RNF128: variants seen among roughly 807,000 people sequenced by gnomAD.
RNF128 encodes E3 ubiquitin-protein ligase RNF128.
Under a neutral mutation model 26.2 loss-of-function variants are expected in RNF128, and 13 were observed. That is an observed-to-expected ratio of 0.50 (90% CI 0.32 to 0.79). The LOEUF (loss-of-function observed/expected upper bound fraction) is 0.79, where lower values mean the gene tolerates loss of function less well. Among genes scored for constraint, RNF128 ranks in the 30% least tolerant of loss-of-function variants. The pLI is 0.03. For synonymous variants in RNF128, 149 were observed against 142.5 expected, an observed-to-expected ratio of 1.05 and a Z score of -0.32; for missense variants, 315 against 349.7, an observed-to-expected ratio of 0.90 and a Z score of 0.79.
intron 1 of RNF128, among the ~76,000 whole-genome samples, chrX:106,718,247 T>C (rs1929250663): frequency 2.7e-5 from 3 of 111,762 alleles, no homozygotes; most frequent in Non-Finnish European, 3.8e-5. Context: ...AGTGGGATCA[T>C]TGAAGATAAA....
intron 1 of RNF128, among the ~76,000 whole-genome samples, chrX:106,754,975 C>T (rs1459438768): frequency 1.8e-5 from 2 of 111,040 alleles, no homozygotes; most frequent in African/African-American, 6.5e-5. Flanking sequence ...ACATCAATGA[C>T]ATGAAAAGTT....
chrX:106,704,325 C>G (rs897628372), intron 1 of RNF128, among the ~76,000 whole-genome samples: 3 of 105,702 alleles, frequency 2.8e-5, no homozygotes, highest in African/African-American at 6.9e-5. Context: ...CCCAGCTACT[C>G]GGGAGGCTGA....
chrX:106,771,630 C>T (rs1271139896), intron 1 of RNF128, among the ~76,000 whole-genome samples: 1 of 112,443 alleles, frequency 8.9e-6, no homozygotes, highest in African/African-American at 3.2e-5. Flanking sequence ...GGGAGTGTCC[C>T]GATTTTCCAG....
At chrX:106,795,042 A>G (rs1263890645) in intron 6 of RNF128, among the ~76,000 whole-genome samples, 1 of 111,593 alleles carries the variant, frequency 9.0e-6, no homozygotes, top group East Asian at 2.8e-4. Flanking sequence ...TGTTTTCCAA[A>G]GTTATTTAAG....
intron 1 of RNF128, among the ~76,000 whole-genome samples, chrX:106,734,368 C>T (rs1476698363): frequency 8.9e-6 from 1 of 111,878 alleles, no homozygotes; most frequent in Admixed American, 9.5e-5. Flanking sequence ...GTTTGATCAC[C>T]ACTTGTGCTT....
chrX:106,715,368 A>G (rs1388704772), intron 1 of RNF128, among the ~76,000 whole-genome samples: 1 of 112,343 alleles, frequency 8.9e-6, no homozygotes, highest in African/African-American at 3.2e-5. Flanking sequence ...ATGTTTATTC[A>G]TGTCTTTTAT....
At chrX:106,737,815 T>G (rs1467140501) in intron 1 of RNF128, among the ~76,000 whole-genome samples, 1 of 111,998 alleles carries the variant, frequency 8.9e-6, no homozygotes, top group Non-Finnish European at 1.9e-5. Context: ...TGTGTTTCAA[T>G]CAAATTCTTT....
chrX:106,696,235 G>C (rs1928871388), intron 1 of RNF128, among the ~76,000 whole-genome samples: 1 of 111,699 alleles, frequency 9.0e-6, no homozygotes, highest in African/African-American at 3.3e-5. Context: ...GTTATAGTGT[G>C]TTTATTTAAT....
At chrX:106,763,279 T>C (rs920559279) in intron 1 of RNF128, among the ~76,000 whole-genome samples, 7 of 110,694 alleles carry the variant, frequency 6.3e-5, no homozygotes, top group Non-Finnish European at 9.4e-5. Flanking sequence ...AAAGATCTGA[T>C]AATGGAGACA....
chrX:106,769,182 T>G lies in RNF128; in HGVS notation c.485-3731T>G, dbSNP rs918045964. Among the ~76,000 whole-genome samples, 11 of 112,143 alleles carry G rather than the reference T, an allele frequency of 9.8e-5. No individual in the cohort carries two copies. The Admixed American group carries it at 1.0e-3, about 11-fold the overall frequency. ...GTGTTATGTGGTGCTGAGAAGAATG[T>G]ATATTCTGTTGATTTGGGGTGGAGA... On this transcript the variant is annotated intron_variant, in intron 1 of 6. Transcript: ENST00000255499.
At chrX:106,729,012 T>A (rs956879798) in intron 1 of RNF128, among the ~76,000 whole-genome samples, 4 of 112,188 alleles carry the variant, frequency 3.6e-5, no homozygotes, top group Non-Finnish European at 7.5e-5. Context: ...CAGTTGACTG[T>A]CTAATAGCAA....
chrX:106,773,514 G>GA (rs962671657), intron 2 of RNF128, among the ~76,000 whole-genome samples: 5 of 110,667 alleles, frequency 4.5e-5, no homozygotes, highest in Non-Finnish European at 9.5e-5. Context: ...AAGTACACGG[G>GA]AAAAAAACTC....
intron 1 of RNF128, among the ~76,000 whole-genome samples, chrX:106,708,351 G>A (rs1218127209): frequency 1.8e-5 from 2 of 112,063 alleles, no homozygotes; most frequent in African/African-American, 6.5e-5. Context: ...CCCACACAGG[G>A]TTATGGAGTG....
chrX:106,777,750 G>A (rs972695908), intron 2 of RNF128, among the ~76,000 whole-genome samples: 3 of 111,237 alleles, frequency 2.7e-5, no homozygotes, highest in African/African-American at 9.8e-5. Context: ...CGGGTGGATC[G>A]CTTGAGCCCA....
intron 2 of RNF128, among the ~76,000 whole-genome samples, chrX:106,779,907 C>G (rs897689785): frequency 1.8e-5 from 2 of 111,804 alleles, no homozygotes; most frequent in African/African-American, 6.5e-5. Flanking sequence ...ATGGCTCAGA[C>G]TTTTATTTTG....
At chrX:106,705,265 A>C (rs1413540368) in intron 1 of RNF128, among the ~76,000 whole-genome samples, 4 of 112,122 alleles carry the variant, frequency 3.6e-5, no homozygotes, top group African/African-American at 1.3e-4. Flanking sequence ...ATAGGAAATC[A>C]TTATAAGAAA....
chrX:106,732,665 T>C (rs1014600162), intron 1 of RNF128, among the ~76,000 whole-genome samples: 1 of 111,878 alleles, frequency 8.9e-6, no homozygotes, highest in Admixed American at 9.5e-5. Flanking sequence ...CATACAGGAA[T>C]AGAGTGTACA....
At chrX:106,751,117 A>T (rs1483239500) in intron 1 of RNF128, among the ~76,000 whole-genome samples, 1 of 111,773 alleles carries the variant, frequency 8.9e-6, no homozygotes, top group Admixed American at 9.5e-5. Flanking sequence ...TGTAAGAATC[A>T]AAAATCAGGT....
exon 1 of RNF128, chrX:106,693,910 A>G (rs1385065245): frequency 1.2e-6 from 1 of 813,289 alleles, no homozygotes; most frequent in African/African-American, 2.1e-5. Flanking sequence ...GAAATTTCAA[A>G]CTTCTGTTCA....
Sources: gnomAD v4.1 joint callset for allele counts (sites outside exome capture counted in the v4.1 genomes callset) on GRCh38, gnomAD v4.1.1 for gene constraint, MANE v1.5 for transcripts, NCBI Gene and HGNC (gene_info 2026-07-23, HGNC 2026-07-21) for gene names.